KCNN1: variants seen among roughly 807,000 people sequenced by gnomAD.
KCNN1 encodes potassium calcium-activated channel subfamily N member 1.
KCNN1 carries 20 observed loss-of-function variants against 44.7 expected under a neutral mutation model. That is an observed-to-expected ratio of 0.45 (90% CI 0.32 to 0.65). KCNN1 has a LOEUF of 0.65. Ranked by LOEUF, KCNN1 falls within the 30% of genes least tolerant of loss-of-function variation. The probability of loss-of-function intolerance (pLI) is 0.05; values close to 1 mark genes in which losing one functional copy is unlikely to be tolerated. For missense variants in KCNN1, 632 were observed against 785.3 expected, an observed-to-expected ratio of 0.80 and a Z score of 2.33; for synonymous variants, 324 against 341.7, an observed-to-expected ratio of 0.95 and a Z score of 0.57.
chr19:17,975,255 C>T, intron 3 of KCNN1, 68 bp downstream of exon 3: 1 of 1,122,592 alleles, frequency 8.9e-7, no homozygotes, highest in Non-Finnish European at 1.4e-6. Flanking sequence ...ACCAGCCCAC[C>T]TTAGACCCCA....
chr19:17,976,180 G>A (rs902162401), intron 3 of KCNN1, among the ~76,000 whole-genome samples: 41 of 151,956 alleles, frequency 2.7e-4, no homozygotes, highest in Non-Finnish European at 5.1e-4. Flanking sequence ...GATATCGGGT[G>A]CACGTAATCC....
intron 1 of KCNN1, chr19:17,952,381 G>T (rs1322687408): frequency 2.0e-5 from 3 of 152,266 alleles, no homozygotes; most frequent in African/African-American, 7.2e-5. Flanking sequence ...TTCGGTCCCG[G>T]CGGCGGTCCC....
In KCNN1 at chr19:17,974,157, G is replaced by C; in HGVS notation, c.269G>C (p.Gly90Ala). The C allele has an allele frequency of 2.5e-6, 4 of 1,613,580 alleles. No homozygotes were observed. The highest frequency in any genetic ancestry group is 3.4e-6 in the Non-Finnish European group (4 of 1,179,864). The change falls in exon 2 of 10, where the codon GGC becomes GCC. Residue 90 changes from glycine (G) to alanine (A), a missense_variant. This residue lies in a region of KCNN1 where 235 missense variants were observed against 224.0 expected (regional missense o/e 1.05). Transcript: ENST00000684775. This position sits in a 1 kb window ranked among gnomAD's most constrained non-coding sequence, Gnocchi z 7.3. The part of the protein sequence containing the change: ...QRASGKPSNV[G>A]HRLGHRRALF... ...GCCTCGGGGAAACCCTCAAATGTGG[G>C]CCACCGCCTGGGCCACCGGCGGGCG...
intron 4 of KCNN1, among the ~76,000 whole-genome samples, chr19:17,984,045 C>G (rs1167074843): frequency 6.6e-6 from 1 of 151,900 alleles, no homozygotes; most frequent in Non-Finnish European, 1.5e-5. Context: ...CGCGTGTAGT[C>G]CCAGCTACTC....
intron 1 of KCNN1, among the ~76,000 whole-genome samples, chr19:17,971,424 C>G (rs918099673): frequency 1.3e-5 from 2 of 152,088 alleles, no homozygotes; most frequent in African/African-American, 2.4e-5. Flanking sequence ...CGGAATCTTC[C>G]CTGCAAGGAG....
At chr19:17,995,203 T>G (rs901588327) in intron 9 of KCNN1, among the ~76,000 whole-genome samples, 2 of 151,850 alleles carry the variant, frequency 1.3e-5, no homozygotes, top group African/African-American at 4.8e-5. Context: ...GACAGGGTCT[T>G]GCTCTGTGGT....
At chr19:17,985,182 C>A (rs1470424867) in intron 4 of KCNN1, 130 bp from the exon 5 acceptor site, 4 of 853,830 alleles carry the variant, frequency 4.7e-6, no homozygotes, top group South Asian at 4.3e-5. Flanking sequence ...CCTGTACCCA[C>A]AGGACATAGC....
chr19:17,977,084 T>C (rs2032232179), intron 3 of KCNN1, among the ~76,000 whole-genome samples: 1 of 152,046 alleles, frequency 6.6e-6, no homozygotes, highest in African/African-American at 2.4e-5. Flanking sequence ...GTCTGGAGTA[T>C]AGAAGTCTGA....
intron 2 of KCNN1, among the ~76,000 whole-genome samples, chr19:17,958,276 T>G (rs1440400490): frequency 2.0e-5 from 3 of 148,454 alleles, no homozygotes; most frequent in African/African-American, 2.5e-5. Context: ...AGGACAGGAG[T>G]TCAAGAACAG....
chr19:17,985,318 C>T lies in KCNN1; in HGVS notation c.924C>T (p.His308=), dbSNP rs373824837. 1.5e-4 allele frequency: 237 copies of T among 1,596,858 alleles called. No homozygotes were observed. Among genetic ancestry groups the T allele is most frequent in the African/African-American group, 3.6e-4 (27 of 74,710 alleles). Residue 308 remains histidine (H), a synonymous_variant, in exon 5 of 10, where the codon CAC becomes CAT. Coordinates refer to ENST00000684775, the MANE Select transcript of KCNN1 (RefSeq NM_001386974.1). ...AWTVRVCERY[H]DKQEVTSNFL... is the part of the protein sequence containing the mutation. Reference sequence around the variant, plus strand: ...CCCACTCTGGCTCCCCCAGGTACCACGACAAGCAGGAAGTGACCAGCAACT... The same window carrying T: ...CCCACTCTGGCTCCCCCAGGTACCATGACAAGCAGGAAGTGACCAGCAACT...
chr19:17,977,692 A>G (rs1292613656), intron 3 of KCNN1, among the ~76,000 whole-genome samples: 2 of 152,024 alleles, frequency 1.3e-5, no homozygotes, highest in African/African-American at 4.8e-5. Flanking sequence ...ACCTCGTTAC[A>G]ATGACCTCAT....
chr19:17,958,353 A>ACGT (rs2031593267), intron 2 of KCNN1, among the ~76,000 whole-genome samples: 1 of 151,904 alleles, frequency 6.6e-6, no homozygotes, highest in Admixed American at 6.6e-5. Flanking sequence ...GGTAGCACAC[A>ACGT]CGTAGCCCCA....
intron 7 of KCNN1, among the ~76,000 whole-genome samples, chr19:17,992,286 A>G (rs941532454): frequency 6.6e-6 from 1 of 151,948 alleles, no homozygotes; most frequent in Non-Finnish European, 1.5e-5. Context: ...TCACTTTGAG[A>G]CAGTCCCCTG....
rs951307468 is a variant in KCNN1 at position 17,993,477 on chromosome 19, C to T, written c.1308-13C>T. ...CCTGCCTAACCCCCTCCCCCAACCC[C>T]GTGTCCCCACAGGCTCCGGAGTGTG... On this transcript the variant is annotated splice_polypyrimidine_tract_variant and intron_variant, in intron 8 of 9. Transcript: ENST00000684775. This position sits in a 1 kb window ranked among gnomAD's most constrained non-coding sequence, Gnocchi z 4.5. 4 of 1,611,228 alleles carry T rather than the reference C, an allele frequency of 2.5e-6. No homozygotes were observed. Among genetic ancestry groups the T allele is most frequent in the East Asian group, 2.2e-5 (1 of 44,856 alleles).
upstream of KCNN1, among the ~76,000 whole-genome samples, chr19:17,966,383 C>T (rs1466914025): frequency 6.6e-6 from 1 of 152,172 alleles, no homozygotes; most frequent in Non-Finnish European, 1.5e-5. Flanking sequence ...CCCAAAGCTC[C>T]CTGGAGCCGC....
chr19:17,973,341 C>T (rs577955882), intron 1 of KCNN1, among the ~76,000 whole-genome samples: 113 of 152,282 alleles, frequency 7.4e-4, no homozygotes, highest in African/African-American at 2.4e-3. Context: ...AGTGCAATGG[C>T]ATGATCTTGG....
At chr19:17,987,836 CAAAAAAA>C (rs973068020) in intron 5 of KCNN1, among the ~76,000 whole-genome samples, 9 of 54,580 alleles carry the variant, frequency 1.6e-4, no homozygotes, top group Non-Finnish European at 3.0e-4. Context: ...ATATCGCTAC[CAAAAAAA>C]AAAAAAAAAA....
intron 3 of KCNN1, among the ~76,000 whole-genome samples, chr19:17,980,434 A>G (rs1466016029): frequency 6.6e-6 from 1 of 151,468 alleles, no homozygotes; most frequent in Non-Finnish European, 1.5e-5. Context: ...TGTCTGTCCA[A>G]GCGTTTGCTT....
At chr19:17,963,246 C>T (rs990098790), upstream of KCNN1, among the ~76,000 whole-genome samples, 1 of 151,464 alleles carries the variant, frequency 6.6e-6, no homozygotes, top group African/African-American at 2.4e-5. Context: ...ATCTCCTGAC[C>T]TCGTGATCCG....
Sources: allele counts gnomAD v4.1 joint callset (sites outside exome capture counted in the v4.1 genomes callset), GRCh38; gene constraint gnomAD v4.1.1; regional missense constraint gnomAD v4.1.1; non-coding constraint Gnocchi (gnomAD v3.1); transcripts MANE v1.5; gene names NCBI Gene and HGNC (gene_info 2026-07-23, HGNC 2026-07-21).